Variants in IL18BP observed in about 807,000 individuals in gnomAD.
IL18BP encodes interleukin 18 binding protein.
A neutral mutation model predicts 19.9 loss-of-function variants in IL18BP; 23 were observed. The ratio of observed to expected loss-of-function variants is 1.15; its 90% CI spans 0.83 to 1.64. The LOEUF (loss-of-function observed/expected upper bound fraction) is 1.64. IL18BP is among the 40% of genes most tolerant of loss of function. The pLI, the probability that IL18BP is intolerant of heterozygous loss-of-function variation, is 0.00. For missense variants in IL18BP, 239 were observed against 240.7 expected, an observed-to-expected ratio of 0.99 and a Z score of 0.05; for synonymous variants, 107 against 101.0, an observed-to-expected ratio of 1.06 and a Z score of -0.35.
chr11:72,000,966 G>A (rs1044363941), intron 3 of IL18BP, among the ~76,000 whole-genome samples: 5 of 152,244 alleles, frequency 3.3e-5, no homozygotes, highest in African/African-American at 4.8e-5. Flanking sequence ...AGGTTCAGAA[G>A]AGGATTCATC....
chr11:72,001,627 C>G, intron 5 of IL18BP, 75 bp downstream of exon 5: 1 of 1,589,810 alleles, frequency 6.3e-7, no homozygotes, highest in South Asian at 1.1e-5. Context: ...AGGGTGGGCT[C>G]TGCCAGAGCA....
downstream of IL18BP, chr11:72,007,711 C>T (rs1590867649): frequency 1.0e-5 from 5 of 494,452 alleles, no homozygotes; most frequent in South Asian, 4.5e-5. Flanking sequence ...ACAGCAAACA[C>T]GTCCCAATCT....
chr11:72,003,954 A>G (rs756544668), downstream of IL18BP: 10 of 1,613,534 alleles, frequency 6.2e-6, no homozygotes, highest in South Asian at 9.9e-5. Context: ...GGTGGTGGCA[A>G]TGCGCGGAGA....
downstream of IL18BP, chr11:72,007,672 C>T (rs190511768): frequency 6.2e-5 from 35 of 567,872 alleles, no homozygotes; most frequent in African/African-American, 5.1e-4. Flanking sequence ...CCAGATGTCC[C>T]ATCCCCACCA....
rs193039422 is a variant in IL18BP at position 71,999,008 on chromosome 11, C to T, written c.-70C>T. 13 of 353,626 alleles carry T rather than the reference C, an allele frequency of 3.7e-5. No homozygotes were observed. Among genetic ancestry groups the T allele is most frequent in the Admixed American group, 3.0e-4 (9 of 30,038 alleles). 21.9% of individuals were successfully genotyped at this position (353,626 alleles called of 1,614,324 possible). A position where few individuals can be genotyped will look rare whatever the true frequency, so the allele number is the denominator to read the frequency against. Reference sequence around the variant, plus strand: ...TGGAAAGGAAGGCTCTTCAGGACCTCTTAGGAGCCAGGTAGGAGTCTGGGA... The same window carrying T: ...TGGAAAGGAAGGCTCTTCAGGACCTTTTAGGAGCCAGGTAGGAGTCTGGGA... On this transcript the variant is annotated 5_prime_UTR_variant, in exon 1 of 6. Coordinates refer to ENST00000393703, the MANE Select transcript of IL18BP (RefSeq NM_001039660.2).
At position 72,000,475 on chromosome 11, in the gene IL18BP, C is replaced by G; in HGVS notation, c.153C>G (p.Cys51Trp). 1 of 1,614,012 alleles carries G rather than the reference C, an allele frequency of 6.2e-7. No individual in the cohort carries two copies. The highest frequency in any genetic ancestry group is 8.5e-7 in the Non-Finnish European group (1 of 1,180,008). The change falls in exon 3 of 6, where the codon TGC becomes TGG. Residue 51 changes from cysteine to tryptophan, a missense_variant. By Grantham distance (215) the Cys-to-Trp change is radical. Coordinates refer to ENST00000393703, the MANE Select transcript of IL18BP (RefSeq NM_001039660.2). ...CAGTTAGAAGCACAAAGGACCCCTG[C>G]CCCTCCCAGCCCCCAGTGTTCCCAG... ...TASVRSTKDP[C>W]PSQPPVFPAA...
In IL18BP at chr11:72,002,008, CCAAATT is replaced by C. The variant is rs1955279373; in HGVS notation, c.*152_*157del. 1 of 1,218,454 alleles carries C rather than the reference CCAAATT, an allele frequency of 8.2e-7. No individual in the cohort carries two copies. The highest frequency in any genetic ancestry group is 1.5e-5 in the South Asian group (1 of 66,294). The allele number at this position is 1,218,454 out of a possible 1,614,324, so 75.5% of individuals were successfully genotyped here. On this transcript the variant is annotated 3_prime_UTR_variant, in exon 6 of 6. Transcript: ENST00000393703. ...TCTCTGCTTTGGGTCCCTTCTCTCA[CCAAATT>C]CAAACTCCATTCCCACCTACCTAGA...
downstream of IL18BP, chr11:72,004,192 C>T (rs1238372348): frequency 3.1e-6 from 5 of 1,603,440 alleles, no homozygotes; most frequent in Middle Eastern, 1.7e-4. Flanking sequence ...CCCGCCAGGG[C>T]GTCGCTTCAT....
At chr11:72,005,154 G>C (rs1031894299), downstream of IL18BP, 13 of 1,430,626 alleles carry the variant, frequency 9.1e-6, no homozygotes, top group Non-Finnish European at 1.1e-5. Context: ...CAGGGCCCTA[G>C]TGCTCAGGCT....
At chr11:72,007,296 G>A, downstream of IL18BP, 2 of 1,612,942 alleles carry the variant, frequency 1.2e-6, no homozygotes, top group Non-Finnish European at 1.7e-6. Context: ...CTGCTCTCCA[G>A]GGGGGCCTGA....
downstream of IL18BP, chr11:72,007,712 G>A (rs148713754): frequency 3.1e-4 from 151 of 491,166 alleles, no homozygotes; most frequent in African/African-American, 2.5e-3. Context: ...CAGCAAACAC[G>A]TCCCAATCTA....
Position 72,002,030 on chromosome 11 carries a change from C to A in IL18BP, c.*169C>A. ...TCACCAAATTCAAACTCCATTCCCA[C>A]CTACCTAGAAAATCACAGCCTCCTT... On this transcript the variant is annotated 3_prime_UTR_variant, in exon 6 of 6. Coordinates refer to ENST00000393703, the MANE Select transcript of IL18BP (RefSeq NM_001039660.2). 2.1e-6 allele frequency: 2 copies of A among 941,426 alleles called. No homozygotes were observed. Among genetic ancestry groups the A allele is most frequent in the Non-Finnish European group, 3.2e-6 (2 of 627,994 alleles). 58.3% of individuals were successfully genotyped at this position (941,426 alleles called of 1,614,324 possible).
At chr11:71,999,795 C>T in intron 1 of IL18BP, 132 bp from the exon 2 acceptor site, 3 of 608,970 alleles carry the variant, frequency 4.9e-6, no homozygotes, top group South Asian at 3.9e-5. Flanking sequence ...ACTTGACCCC[C>T]CCAGCTCTGT....
At chr11:72,001,057 C>A in intron 3 of IL18BP, 144 bp from the exon 4 acceptor site, 1 of 913,490 alleles carries the variant, frequency 1.1e-6, no homozygotes, top group Non-Finnish European at 1.7e-6. Flanking sequence ...CTGTAACGGA[C>A]GTTCCCACCT....
rs1276786865 is a variant in IL18BP, at chr11:72,000,400, C to T, written c.78C>T (p.Leu26=). 3 of 1,614,136 alleles carry T rather than the reference C, an allele frequency of 1.9e-6. No individual in the cohort carries two copies. The highest frequency in any genetic ancestry group is 2.5e-6 in the Non-Finnish European group (3 of 1,180,034). The part of the protein sequence containing the change: ...VLLLCAHVVT[L]LVRATPVSQT... ...TCCTGTGTGCCCACGTCGTCACTCT[C>T]CTGGTCAGAGCCACACCTGTCTCGC... Residue 26 remains leucine (L), a synonymous_variant, in exon 3 of 6, where the codon CTC becomes CTT. Transcript: ENST00000393703.
intron 2 of IL18BP, 40 bp downstream of exon 2, chr11:72,000,052 G>C (rs768500163): frequency 6.2e-7 from 1 of 1,610,552 alleles, no homozygotes; most frequent in South Asian, 1.1e-5. Flanking sequence ...GGGGTAGGGT[G>C]AGGTCTATGA....
Position 72,002,028 on chromosome 11 carries a change from C to T in IL18BP, c.*167C>T. On this transcript the variant is annotated 3_prime_UTR_variant, in exon 6 of 6. Transcript: ENST00000393703. ...TCTCACCAAATTCAAACTCCATTCC[C>T]ACCTACCTAGAAAATCACAGCCTCC... 1.0e-6 allele frequency: 1 copy of T among 954,152 alleles called. No homozygotes were observed. 59.1% of individuals were successfully genotyped at this position (954,152 alleles called of 1,614,324 possible).
intron 5 of IL18BP, 24 bp from the exon 6 acceptor site, chr11:72,001,760 C>G: frequency 6.2e-7 from 1 of 1,614,108 alleles, no homozygotes; most frequent in Non-Finnish European, 8.5e-7. Context: ...TTGGCCTGAT[C>G]CTTGTCTGCC....
At chr11:72,007,356 T>G, downstream of IL18BP, 1 of 1,613,574 alleles carries the variant, frequency 6.2e-7, no homozygotes, top group Non-Finnish European at 8.5e-7. Context: ...GATTCTACCT[T>G]GGGGGGCAGG....
Sources: gnomAD v4.1 joint callset for allele counts (sites outside exome capture counted in the v4.1 genomes callset) on GRCh38, gnomAD v4.1.1 for gene constraint, MANE v1.5 for transcripts, NCBI Gene and HGNC (gene_info 2026-07-23, HGNC 2026-07-21) for gene names.